CEACAM3: variants seen among roughly 807,000 people sequenced by gnomAD.
CEACAM3 encodes cell adhesion molecule CEACAM3.
A neutral mutation model predicts 30.1 loss-of-function variants in CEACAM3; 32 were observed. That is an observed-to-expected ratio of 1.06 (90% confidence interval 0.80 to 1.43). The LOEUF is 1.43. Ranked by LOEUF, CEACAM3 falls within the 40% of genes most tolerant of loss-of-function variation. The probability of loss-of-function intolerance (pLI) is 0.00; values close to 1 mark genes in which losing one functional copy is unlikely to be tolerated. For missense variants in CEACAM3, 290 were observed against 316.3 expected, an observed-to-expected ratio of 0.92 and a Z score of 0.63; for synonymous variants, 134 against 127.2, an observed-to-expected ratio of 1.05 and a Z score of -0.36.
Position 41,808,915 on chromosome 19 carries a change from T to C in CEACAM3, c.527T>C (p.Leu176Pro). ...GCCGCGCTGGTGTGTTTCCTGCTCC[T>C]TGCCAAAACTGGAAGGTACCACAGC... ...LVAALVCFLL[L>P]AKTGRTSIQR... is the part of the protein sequence containing the mutation. The change falls in exon 3 of 7, where the codon CTT becomes CCT. Residue 176 changes from leucine to proline, a missense_variant. By Grantham distance (98) the Leu-to-Pro change is moderately conservative (BLOSUM62 -3). Transcript: ENST00000357396. 6.3e-7 allele frequency: 1 copy of C among 1,589,320 alleles called. No individual in the cohort carries two copies. The highest frequency in any genetic ancestry group is 8.6e-7 in the Non-Finnish European group (1 of 1,169,026).
intron 2 of CEACAM3, among the ~76,000 whole-genome samples, chr19:41,801,897 C>T (rs374902627): frequency 2.6e-5 from 4 of 152,240 alleles, no homozygotes; most frequent in South Asian, 4.1e-4. Flanking sequence ...ATGCTGATCT[C>T]GTAATGTTTC....
At chr19:41,801,645 G>T (rs1262792765) in intron 2 of CEACAM3, among the ~76,000 whole-genome samples, 1 of 152,198 alleles carries the variant, frequency 6.6e-6, no homozygotes, top group Non-Finnish European at 1.5e-5. Flanking sequence ...AGGGAATGGG[G>T]AAAGCTGATT....
intron 4 of CEACAM3, 59 bp downstream of exon 4, chr19:41,810,076 C>T (rs1555827382): frequency 7.9e-6 from 12 of 1,523,962 alleles, no homozygotes; most frequent in African/African-American, 1.4e-5. Flanking sequence ...CCACAGTGTC[C>T]GCTCCTGCCA....
intron 5 of CEACAM3, 123 bp downstream of exon 5, chr19:41,810,477 G>T: frequency 8.5e-7 from 1 of 1,172,096 alleles, no homozygotes; most frequent in Non-Finnish European, 1.2e-6. Context: ...ACAGGACAAG[G>T]CTAGCCCTGC....
At chr19:41,800,571 G>A (rs1033763584) in intron 2 of CEACAM3, among the ~76,000 whole-genome samples, 15 of 152,120 alleles carry the variant, frequency 9.9e-5, no homozygotes, top group African/African-American at 3.1e-4. Context: ...CCGCCTTCAC[G>A]TTCCATCCTG....
intron 2 of CEACAM3, among the ~76,000 whole-genome samples, chr19:41,799,197 G>C (rs1251141490): frequency 6.6e-6 from 1 of 152,170 alleles, no homozygotes; most frequent in Admixed American, 6.5e-5. Flanking sequence ...GGCCTGGTGG[G>C]AGGCGATTGG....
rs371905585 is a variant in CEACAM3, at chr19:41,808,882, C to T, written c.494C>T (p.Ala165Val). The stretch of plus-strand genomic sequence containing the variant: ...GTGACCGGGGTCCTGGTCGGAGTGG[C>T]GCTGGTGGCCGCGCTGGTGTGTTTC... ...GIVTGVLVGV[A>V]LVAALVCFLL... The change falls in exon 3 of 7, where the codon GCG (alanine) becomes GTG (valine). Residue 165 changes from alanine (A) to valine (V), a missense_variant. Physicochemically the swap from Ala to Val is moderately conservative, Grantham distance 64. Transcript: ENST00000357396. 18 of 1,608,322 alleles carry T rather than the reference C, an allele frequency of 1.1e-5. No individual in the cohort carries two copies. Among genetic ancestry groups the T allele is most frequent in the Non-Finnish European group, 1.5e-5 (18 of 1,177,292 alleles).
rs368017478 is a variant in CEACAM3, at chr19:41,808,857, G to A, written c.469G>A (p.Val157Met). ...TCCTGTGGGGGCCGTCGCCGGCATC[G>A]TGACCGGGGTCCTGGTCGGAGTGGC... The part of the protein sequence containing the change: ...GLPVGAVAGI[V>M]TGVLVGVALV... Residue 157 changes from valine to methionine, a missense_variant, in exon 3 of 7, where the codon GTG becomes ATG. Transcript: ENST00000357396. 3.1e-6 allele frequency: 5 copies of A among 1,611,042 alleles called. No individual in the cohort carries two copies. Among genetic ancestry groups the A allele is most frequent in the Admixed American group, 3.4e-5 (2 of 59,580 alleles).
chr19:41,807,922 T>C (rs1331168511), intron 2 of CEACAM3, among the ~76,000 whole-genome samples: 2 of 152,144 alleles, frequency 1.3e-5, no homozygotes, highest in Non-Finnish European at 2.9e-5. Context: ...ACACAAAAGC[T>C]CTTTATCCCC....
chr19:41,797,267 GA>G, intron 1 of CEACAM3: 2 of 343,372 alleles, frequency 5.8e-6, no homozygotes, highest in Non-Finnish European at 1.1e-5. Flanking sequence ...GAACAGAGCA[GA>G]AAAAGGTCAG....
chr19:41,811,259 G>C lies in CEACAM3; in HGVS notation c.*22G>C. 6.2e-7 allele frequency: 1 copy of C among 1,609,310 alleles called. No homozygotes were observed. The highest frequency in any genetic ancestry group is 8.5e-7 in the Non-Finnish European group (1 of 1,176,474). ...TTAGCTTCCTCCAGGAGCTGCTCCT[G>C]TGTGTTGATGGAGAGTCCCCAAGGC... On this transcript the variant is annotated 3_prime_UTR_variant, in exon 7 of 7. Transcript: ENST00000357396.
intron 2 of CEACAM3, 166 bp downstream of exon 2, chr19:41,798,114 C>G: frequency 8.2e-7 from 1 of 1,213,144 alleles, no homozygotes; most frequent in Non-Finnish European, 1.1e-6. Flanking sequence ...TTCCACAGAT[C>G]AGAATTCCTT....
intron 2 of CEACAM3, among the ~76,000 whole-genome samples, chr19:41,801,881 C>T (rs2073151372): frequency 6.6e-6 from 1 of 152,124 alleles, no homozygotes; most frequent in African/African-American, 2.4e-5. Flanking sequence ...TTGTGACCCT[C>T]CCATAATGCT....
chr19:41,807,216 T>G (rs2073209882), intron 2 of CEACAM3: 1 of 1,609,708 alleles, frequency 6.2e-7, no homozygotes, highest in East Asian at 2.2e-5. Flanking sequence ...ACAACCTGCC[T>G]GTAGTGGGTA....
At position 41,811,512 on chromosome 19, in the gene CEACAM3, G is replaced by A; in HGVS notation, c.*275G>A. Reference sequence around the variant, plus strand: ...GTGAATGGGCCTGTGGCCCACCTGGGGTCACTTGGAAAGGATCTGAATAAA... The same window carrying A: ...GTGAATGGGCCTGTGGCCCACCTGGAGTCACTTGGAAAGGATCTGAATAAA... On this transcript the variant is annotated 3_prime_UTR_variant, in exon 7 of 7. Coordinates refer to ENST00000357396, the MANE Select transcript of CEACAM3 (RefSeq NM_001815.5). The A allele has an allele frequency of 4.4e-6, 2 of 454,998 alleles. No homozygotes were observed. The highest frequency in any genetic ancestry group is 3.6e-5 in the South Asian group (1 of 27,880). The allele number at this position is 454,998 out of a possible 1,614,324, so 28.2% of individuals were successfully genotyped here.
In CEACAM3 at chr19:41,811,368, G is replaced by A. The variant is rs2008798; in HGVS notation, c.*131G>A. On this transcript the variant is annotated 3_prime_UTR_variant, in exon 7 of 7. Transcript: ENST00000357396. ...CCTGAGAAGACACTGGTGTCTGGGGGCAGGGAGGGATGGGGGTCCCTGATG... is the reference window on the plus strand; with the variant it reads ...CCTGAGAAGACACTGGTGTCTGGGGACAGGGAGGGATGGGGGTCCCTGATG... The A allele has an allele frequency of 0.6, 457,725 of 758,250 alleles. 142,177 individuals carry two copies. Among genetic ancestry groups the A allele is most frequent in the Middle Eastern group, 0.73 (1,957 of 2,664 alleles). The allele number at this position is 758,250 out of a possible 1,614,324, so 47.0% of individuals were successfully genotyped here.
chr19:41,805,011 C>T (rs1001753358), intron 2 of CEACAM3, among the ~76,000 whole-genome samples: 3 of 152,070 alleles, frequency 2.0e-5, no homozygotes, highest in Non-Finnish European at 4.4e-5. Flanking sequence ...AAAGGAAATG[C>T]TCACTGGAGC....
chr19:41,801,116 C>A (rs2073142948), intron 2 of CEACAM3, among the ~76,000 whole-genome samples: 1 of 152,156 alleles, frequency 6.6e-6, no homozygotes, highest in African/African-American at 2.4e-5. Context: ...TTATCTTCCT[C>A]CCCTTTCACA....
chr19:41,799,589 TG>T (rs1182194716), intron 2 of CEACAM3, among the ~76,000 whole-genome samples: 3 of 152,180 alleles, frequency 2.0e-5, no homozygotes, highest in Admixed American at 6.5e-5. Context: ...GTGCCAGGAA[TG>T]TCCGGGCCTC....
Sources: gnomAD v4.1 joint callset for allele counts (sites outside exome capture counted in the v4.1 genomes callset) on GRCh38, gnomAD v4.1.1 for gene constraint, MANE v1.5 for transcripts, NCBI Gene and HGNC (gene_info 2026-07-23, HGNC 2026-07-21) for gene names.